Variants in MTHFD1 observed in about 807,000 individuals in gnomAD.
The protein encoded by MTHFD1 is methylenetetrahydrofolate dehydrogenase, cyclohydrolase and formyltetrahydrofolate synthetase 1, also known as C-1-tetrahydrofolate synthase, cytoplasmic.
In MTHFD1, 44 loss-of-function variants were observed where a neutral mutation model predicts 110.3. The ratio of observed to expected loss-of-function variants is 0.40; its 90% CI spans 0.31 to 0.51. MTHFD1 has a LOEUF of 0.51. MTHFD1 is among the 20% of genes least tolerant of loss of function. The pLI is 0.60. For synonymous variants in MTHFD1, 402 were observed against 428.8 expected, an observed-to-expected ratio of 0.94 and a Z score of 0.77; for missense variants, 909 against 1,173.1, an observed-to-expected ratio of 0.77 and a Z score of 3.29.
intron 3 of MTHFD1, among the ~76,000 whole-genome samples, 172 bp downstream of exon 3, chr14:64,411,321 TG>T (rs2077981642): frequency 6.6e-6 from 1 of 152,218 alleles, no homozygotes; most frequent in Non-Finnish European, 1.5e-5. Flanking sequence ...GCCTCTGGTT[TG>T]CCCGTGAGTT....
Position 64,431,868 on chromosome 14 carries a change from T to C in MTHFD1, c.1494+7T>C, listed in dbSNP as rs1405182943. ...CCAAATCCGAAGGTTAAAGGTAAGC[T>C]TTTTTTCTTCCACATTTTTTATATT... On this transcript the variant is annotated splice_region_variant and intron_variant, in intron 15 of 27. Transcript: ENST00000652337. 6.2e-7 allele frequency: 1 copy of C among 1,611,002 alleles called. No homozygotes were observed. The highest frequency in any genetic ancestry group is 1.1e-5 in the South Asian group (1 of 91,040).
chr14:64,390,902 GC>G (rs1258027250), intron 1 of MTHFD1, among the ~76,000 whole-genome samples: 3 of 152,002 alleles, frequency 2.0e-5, no homozygotes. Flanking sequence ...ACCCACCTCG[GC>G]CTCCCAAAGT....
chr14:64,418,063 G>A (rs550570733), intron 7 of MTHFD1, 39 bp downstream of exon 7: 2 of 1,613,394 alleles, frequency 1.2e-6, no homozygotes, highest in East Asian at 2.2e-5. Context: ...GTTACGGTGG[G>A]GAGGGTGGGT....
chr14:64,407,464 CAAA>C (rs773866589), intron 2 of MTHFD1, among the ~76,000 whole-genome samples: 1 of 117,142 alleles, frequency 8.5e-6, no homozygotes. Context: ...GACTTTGTCT[CAAA>C]AAAAAAAAAA....
chr14:64,421,101 C>T (rs895465975), intron 8 of MTHFD1, among the ~76,000 whole-genome samples: 1 of 152,202 alleles, frequency 6.6e-6, no homozygotes, highest in African/African-American at 2.4e-5. Context: ...TCCTCTCTGT[C>T]ATGTCTGTTA....
intron 24 of MTHFD1, 76 bp from the exon 25 acceptor site, chr14:64,453,678 G>A: frequency 1.2e-6 from 1 of 846,744 alleles, no homozygotes; most frequent in Non-Finnish European, 2.0e-6. Context: ...CTCTGACCTA[G>A]AATGTGGCTA....
chr14:64,400,687 TTAA>T, intron 1 of MTHFD1, 103 bp from the exon 2 acceptor site: 1 of 791,514 alleles, frequency 1.3e-6, no homozygotes, highest in Non-Finnish European at 2.2e-6. Context: ...AGACCCTGTG[TTAA>T]TAAACAAACA....
intron 22 of MTHFD1, among the ~76,000 whole-genome samples, chr14:64,447,509 AT>A (rs2078301970): frequency 9.9e-6 from 1 of 100,778 alleles, no homozygotes; most frequent in Admixed American, 1.1e-4. Context: ...GGGTCTTGTT[AT>A]GTTTCCTAGG....
intron 24 of MTHFD1, among the ~76,000 whole-genome samples, chr14:64,450,496 C>G (rs2078353419): frequency 6.6e-6 from 1 of 152,110 alleles, no homozygotes; most frequent in Non-Finnish European, 1.5e-5. Flanking sequence ...AAGTAGAGCC[C>G]TGCTTACTCT....
intron 19 of MTHFD1, 189 bp downstream of exon 19, chr14:64,441,642 T>TA (rs997304238): frequency 1.5e-4 from 91 of 602,060 alleles, no homozygotes; most frequent in Admixed American, 4.0e-4. Flanking sequence ...CCGTCTCTAC[T>TA]AAAAATACAA....
Position 64,448,179 on chromosome 14 carries a change from T to A in MTHFD1, c.2179-38T>A, listed in dbSNP as rs371460518. 5 of 1,490,530 alleles carry A rather than the reference T, an allele frequency of 3.4e-6. No homozygotes were observed. The African/African-American group carries it at 6.9e-5, about 21-fold the overall frequency. The allele number at this position is 1,490,530 out of a possible 1,614,324, so 92.3% of individuals were successfully genotyped here. A position where few individuals can be genotyped will look rare whatever the true frequency, so the allele number is the denominator to read the frequency against. Reference sequence around the variant, plus strand: ...AGAAGAACCTGCAGTGGTTTTCAACTCTCTGATCTCATAGGCCTTTCACTG... The same window carrying A: ...AGAAGAACCTGCAGTGGTTTTCAACACTCTGATCTCATAGGCCTTTCACTG... On this transcript the variant is annotated intron_variant, in intron 22 of 27. Transcript: ENST00000652337.
chr14:64,419,297 C>T lies in MTHFD1; in HGVS notation c.616-517C>T, dbSNP rs566627539. On this transcript the variant is annotated intron_variant, in intron 7 of 27. Transcript: ENST00000652337. ...AGAGTGAAGGTGCTCCAGAGGCAGT[C>T]GTGGGCAGTAGTCTGCTAATAGCTA... 1.8e-3 allele frequency: 355 copies of T among 202,578 alleles called. 1 individual carries two copies. Among genetic ancestry groups the T allele is most frequent in the Non-Finnish European group, 2.8e-3 (278 of 98,876 alleles). The allele number at this position is 202,578 out of a possible 1,614,324, so 12.5% of individuals were successfully genotyped here.
intron 2 of MTHFD1, 132 bp from the exon 3 acceptor site, chr14:64,410,958 C>T: frequency 1.4e-6 from 1 of 717,528 alleles, no homozygotes; most frequent in Non-Finnish European, 2.5e-6. Context: ...CCTCCCTATA[C>T]TCCTGTAAAA....
intron 4 of MTHFD1, among the ~76,000 whole-genome samples, chr14:64,413,623 A>G (rs2078002840): frequency 6.6e-6 from 1 of 152,204 alleles, no homozygotes; most frequent in South Asian, 2.1e-4. Context: ...AAAATGAAAT[A>G]AAATTAAAAA....
intron 26 of MTHFD1, chr14:64,457,847 G>A (rs1004058315): frequency 3.1e-5 from 10 of 319,320 alleles, no homozygotes; most frequent in Admixed American, 1.8e-4. Flanking sequence ...ATAAAATGAT[G>A]TTCTATCTTT....
At chr14:64,428,109 T>G (rs937970257) in intron 12 of MTHFD1, among the ~76,000 whole-genome samples, 2 of 143,354 alleles carry the variant, frequency 1.4e-5, no homozygotes, top group East Asian at 2.0e-4. Context: ...TGTGTTTTTT[T>G]TTTTTTTTTT....
intron 9 of MTHFD1, 23 bp downstream of exon 9, chr14:64,424,954 A>G (rs1219371695): frequency 3.7e-6 from 6 of 1,614,084 alleles, no homozygotes; most frequent in East Asian, 2.2e-5. Context: ...AAAAGTTTCT[A>G]TAAGAGTTCT....
At chr14:64,439,332 C>A in intron 17 of MTHFD1, 160 bp downstream of exon 17, 2 of 669,248 alleles carry the variant, frequency 3.0e-6, no homozygotes, top group Non-Finnish European at 5.5e-6. Context: ...TTGAGCACTC[C>A]TGACAGCTTT....
chr14:64,393,251 T>C (rs1401025106), intron 1 of MTHFD1, among the ~76,000 whole-genome samples: 1 of 151,838 alleles, frequency 6.6e-6, no homozygotes, highest in Non-Finnish European at 1.5e-5. Context: ...AATACAAAAT[T>C]AGCTGGGCAT....
Sources: gnomAD v4.1 joint callset for allele counts (sites outside exome capture counted in the v4.1 genomes callset) on GRCh38, gnomAD v4.1.1 for gene constraint, MANE v1.5 for transcripts, NCBI Gene and HGNC (gene_info 2026-07-23, HGNC 2026-07-21) for gene names.